The following CERKL variants were observed in gnomAD, a reference collection of about 807,000 sequenced individuals.
CERKL encodes CERK like autophagy regulator.
CERKL carries 61 observed loss-of-function variants against 63.4 expected under a neutral mutation model. That is an observed-to-expected ratio of 0.96 (90% CI 0.78 to 1.19). The LOEUF is 1.19. Ranked by LOEUF, CERKL falls within the 50% of genes most tolerant of loss-of-function variation. The pLI, the probability that CERKL is intolerant of heterozygous loss-of-function variation, is 0.00. For missense variants in CERKL, 675 were observed against 655.5 expected, an observed-to-expected ratio of 1.03 and a Z score of -0.33; for synonymous variants, 250 against 230.5, an observed-to-expected ratio of 1.08 and a Z score of -0.77.
intron 2 of CERKL, among the ~76,000 whole-genome samples, chr2:181,591,260 G>C (rs1374850085): frequency 6.6e-6 from 1 of 152,046 alleles, no homozygotes; most frequent in African/African-American, 2.4e-5. Context: ...CTAGAAACCA[G>C]TGCAATCGGT....
chr2:181,539,046 T>G, intron 12 of CERKL, 46 bp downstream of exon 12: 1 of 1,283,582 alleles, frequency 7.8e-7, no homozygotes, highest in South Asian at 1.2e-5. Context: ...TAATATTAGA[T>G]TTATGTTTAC....
chr2:181,615,254 G>C (rs1472381389), intron 1 of CERKL, among the ~76,000 whole-genome samples: 1 of 152,180 alleles, frequency 6.6e-6, no homozygotes, highest in Non-Finnish European at 1.5e-5. Context: ...GTCACCATGA[G>C]AGCAAAGCGG....
At chr2:181,624,523 C>T (rs181664718) in intron 1 of CERKL, among the ~76,000 whole-genome samples, 2 of 152,092 alleles carry the variant, frequency 1.3e-5, no homozygotes, top group Admixed American at 6.6e-5. Context: ...AAAGTAAGAC[C>T]CAATCTTAAA....
At chr2:181,585,622 C>CA (rs1002883546) in intron 2 of CERKL, among the ~76,000 whole-genome samples, 94 of 152,144 alleles carry the variant, frequency 6.2e-4, no homozygotes, top group African/African-American at 2.2e-3. Flanking sequence ...GTTTTAAAAA[C>CA]AAAAAAGCAA....
intron 2 of CERKL, among the ~76,000 whole-genome samples, chr2:181,603,503 C>T (rs1685543159): frequency 6.6e-6 from 1 of 152,058 alleles, no homozygotes; most frequent in Non-Finnish European, 1.5e-5. Context: ...CAAACATACT[C>T]AACAAAATAT....
intron 2 of CERKL, among the ~76,000 whole-genome samples, chr2:181,593,163 G>A (rs1685058409): frequency 6.6e-6 from 1 of 152,138 alleles, no homozygotes; most frequent in Non-Finnish European, 1.5e-5. Flanking sequence ...AAGACCCCAA[G>A]TAAGTGGTAA....
intron 4 of CERKL, 26 bp downstream of exon 4, chr2:181,566,032 A>C (rs543336155): frequency 7.7e-6 from 11 of 1,432,786 alleles, no homozygotes; most frequent in Non-Finnish European, 8.8e-6. Flanking sequence ...ATGATATAAC[A>C]TATATTGATT....
rs1389569263 is a variant in CERKL at position 181,536,826 on chromosome 2, TTATCTGACTCTGCC to T, written c.*1344_*1357del. Reference sequence around the variant, plus strand: ...ATCTAGATAATTGCAGAATATCATTTTATCTGACTCTGCCTTCATAAGAGAGCTGTGGCCGAATT... The same window carrying T: ...ATCTAGATAATTGCAGAATATCATTTTTCATAAGAGAGCTGTGGCCGAATT... On this transcript the variant is annotated 3_prime_UTR_variant, in exon 13 of 13. Coordinates refer to ENST00000410087, the MANE Select transcript of CERKL (RefSeq NM_201548.5). 2 of 344,248 alleles carry T rather than the reference TTATCTGACTCTGCC, an allele frequency of 5.8e-6. No individual in the cohort carries two copies. Among genetic ancestry groups the T allele is most frequent in the East Asian group, 1.6e-4 (2 of 12,398 alleles). The allele number at this position is 344,248 out of a possible 1,614,324, so 21.3% of individuals were successfully genotyped here. A position where few individuals can be genotyped will look rare whatever the true frequency, so the allele number is the denominator to read the frequency against.
chr2:181,645,177 T>A lies in CERKL; in HGVS notation c.238+11592A>T, dbSNP rs553859812. Among the ~76,000 whole-genome samples the A allele has an allele frequency of 2.0e-3, 311 of 152,260 alleles. 1 individual carries two copies. Among genetic ancestry groups the A allele is most frequent in the African/African-American group, 6.2e-3 (259 of 41,536 alleles). ...TGGCGATTCATTTAAGAATTTTTTT[T>A]AAAAAAGAGTTTTGATGTTTAAAAA... On this transcript the variant is annotated intron_variant, in intron 1 of 12. Transcript: ENST00000410087.
chr2:181,592,165 T>A (rs886146338), intron 2 of CERKL, among the ~76,000 whole-genome samples: 1 of 152,160 alleles, frequency 6.6e-6, no homozygotes, highest in Non-Finnish European at 1.5e-5. Context: ...AGCACTTACA[T>A]CCACCAGTAC....
intron 1 of CERKL, among the ~76,000 whole-genome samples, chr2:181,606,507 GGAGGGGGGAGGA>G (rs1420082195): frequency 3.6e-5 from 1 of 27,768 alleles, no homozygotes. Flanking sequence ...GAGGGGGAGG[GGAGGGGGGAGGA>G]GAGGGTAGGG....
chr2:181,565,841 T>C (rs1392611101), intron 4 of CERKL, among the ~76,000 whole-genome samples: 1 of 152,158 alleles, frequency 6.6e-6, no homozygotes, highest in Admixed American at 6.6e-5. Context: ...TTTTAATAAT[T>C]AGATTCCTCT....
At chr2:181,540,099 A>G (rs952102520) in intron 11 of CERKL, among the ~76,000 whole-genome samples, 1 of 152,040 alleles carries the variant, frequency 6.6e-6, no homozygotes, top group African/African-American at 2.4e-5. Context: ...ATTTTCCCCA[A>G]CACCCATATT....
At chr2:181,578,075 T>G (rs140389977) in intron 2 of CERKL, among the ~76,000 whole-genome samples, 9 of 152,252 alleles carry the variant, frequency 5.9e-5, no homozygotes, top group Non-Finnish European at 8.8e-5. Flanking sequence ...GCTACAGAAT[T>G]CAAAATCACC....
At chr2:181,572,157 C>G (rs910397958) in intron 3 of CERKL, among the ~76,000 whole-genome samples, 5 of 152,074 alleles carry the variant, frequency 3.3e-5, no homozygotes, top group Admixed American at 2.6e-4. Context: ...TGCCTGTTAG[C>G]CTGACTTCCT....
chr2:181,569,678 CATG>C (rs1194020929), intron 3 of CERKL, among the ~76,000 whole-genome samples: 5 of 152,002 alleles, frequency 3.3e-5, no homozygotes, highest in African/African-American at 1.2e-4. Context: ...TGATAATGAC[CATG>C]ATAAGGTCTA....
intron 1 of CERKL, among the ~76,000 whole-genome samples, chr2:181,612,342 T>C (rs1232886554): frequency 6.6e-6 from 1 of 152,218 alleles, no homozygotes; most frequent in Non-Finnish European, 1.5e-5. Context: ...TTTTTAAGTA[T>C]ATGCACTCAC....
intron 7 of CERKL, 32 bp downstream of exon 7, chr2:181,548,648 G>T: frequency 6.2e-7 from 1 of 1,612,594 alleles, no homozygotes; most frequent in Non-Finnish European, 8.5e-7. Context: ...TTGAACCTGG[G>T]ATACAATTTT....
At chr2:181,619,156 A>AT (rs1686340283) in intron 1 of CERKL, among the ~76,000 whole-genome samples, 1 of 152,108 alleles carries the variant, frequency 6.6e-6, no homozygotes. Flanking sequence ...TTGTTCCTTG[A>AT]TTTTACTACC....
Sources: allele counts gnomAD v4.1 joint callset (sites outside exome capture counted in the v4.1 genomes callset), GRCh38; gene constraint gnomAD v4.1.1; transcripts MANE v1.5; gene names NCBI Gene and HGNC (gene_info 2026-07-23, HGNC 2026-07-21).